Variants in RGS5 observed in about 807,000 individuals in gnomAD.
RGS5 encodes the protein regulator of G protein signaling 5.
Under a neutral mutation model 18.9 loss-of-function variants are expected in RGS5, and 20 were observed. That is an observed-to-expected ratio of 1.06 (90% CI 0.74 to 1.54). The LOEUF is 1.54. Among genes scored for constraint, RGS5 ranks in the 40% most tolerant of loss-of-function variants. The pLI, the probability that RGS5 is intolerant of heterozygous loss-of-function variation, is 0.00. For synonymous variants in RGS5, 57 were observed against 76.2 expected, an observed-to-expected ratio of 0.75 and a Z score of 1.31; for missense variants, 201 against 211.8, an observed-to-expected ratio of 0.95 and a Z score of 0.32.
At chr1:163,220,414 C>T (rs1041593317), upstream of RGS5, among the ~76,000 whole-genome samples, 6 of 152,188 alleles carry the variant, frequency 3.9e-5, no homozygotes, top group Non-Finnish European at 8.8e-5. Context: ...TTCAGAATCA[C>T]GTGTGTGTTG....
At position 163,246,542 on chromosome 1, in the gene RGS5, G is replaced by C. The variant is rs1386428280; in HGVS notation, c.-281+59691C>G. 2.0e-5 allele frequency among the ~76,000 whole-genome samples: 3 copies of C among 152,306 alleles called. No individual in the cohort carries two copies. In the South Asian group the frequency reaches 6.2e-4, roughly 32 times the overall value. ...GCCTAGATTGTGCCACTGCACTCCAGCCTGGGCGACACAGTGAAACTCTGT... is the reference window on the plus strand; with the variant it reads ...GCCTAGATTGTGCCACTGCACTCCACCCTGGGCGACACAGTGAAACTCTGT... On this transcript the variant is annotated intron_variant, in intron 2 of 5. Transcript: ENST00000618415.
At chr1:163,163,041 G>A (rs1571223339) in intron 2 of RGS5, among the ~76,000 whole-genome samples, 1 of 28,820 alleles carries the variant, frequency 3.5e-5, no homozygotes, top group Non-Finnish European at 1.0e-4. Context: ...TGATATTTCG[G>A]GGGGGGGGGT....
At chr1:163,147,925 T>TTCTTTTTTTC (rs1436804182) in intron 4 of RGS5, among the ~76,000 whole-genome samples, 10 of 134,122 alleles carry the variant, frequency 7.5e-5, no homozygotes, top group South Asian at 2.6e-4. Context: ...TTTCTTTTTT[T>TTCTTTTTTTC]TTTTTTTTTT....
intron 1 of RGS5, among the ~76,000 whole-genome samples, chr1:163,180,695 T>TTGTTTTTTG (rs1557893081): frequency 8.0e-6 from 1 of 124,442 alleles, no homozygotes; most frequent in Non-Finnish European, 1.7e-5. Flanking sequence ...TGTTTTTTTT[T>TTGTTTTTTG]TTTTTTTTTT....
intron 2 of RGS5, among the ~76,000 whole-genome samples, chr1:163,271,998 T>C (rs1321699323): frequency 6.6e-6 from 1 of 151,936 alleles, no homozygotes; most frequent in African/African-American, 2.4e-5. Flanking sequence ...CTTCCTTCCC[T>C]TCCTTCCCTT....
At chr1:163,199,800 AAATT>A (rs1350691059) in intron 1 of RGS5, among the ~76,000 whole-genome samples, 2 of 152,120 alleles carry the variant, frequency 1.3e-5, no homozygotes, top group African/African-American at 4.8e-5. Context: ...TTTTTATGTT[AAATT>A]AATTAATTAA....
chr1:163,161,868 G>C lies in RGS5; in HGVS notation c.217+47C>G, dbSNP rs1328593567. 2.1e-6 allele frequency: 3 copies of C among 1,444,180 alleles called. No individual in the cohort carries two copies. In the East Asian group the frequency reaches 6.8e-5, roughly 33 times the overall value. 89.5% of individuals were successfully genotyped at this position (1,444,180 alleles called of 1,614,324 possible). A position where few individuals can be genotyped will look rare whatever the true frequency, so the allele number is the denominator to read the frequency against. On this transcript the variant is annotated intron_variant, in intron 3 of 4. Transcript: ENST00000313961. ...TAATACAAAGATGTTTTTTGTTTCTGTCTCTAACCTGACCTTTATTTAAAA... is the reference window on the plus strand; with the variant it reads ...TAATACAAAGATGTTTTTTGTTTCTCTCTCTAACCTGACCTTTATTTAAAA...
intron 2 of RGS5, among the ~76,000 whole-genome samples, chr1:163,258,529 C>T (rs1042749251): frequency 2.6e-5 from 4 of 152,226 alleles, no homozygotes; most frequent in African/African-American, 9.6e-5. Flanking sequence ...TTTCTCTCCA[C>T]TGAAGCTTCC....
rs190261420 is a variant in RGS5 at position 163,281,129 on chromosome 1, C to G, written c.-281+25104G>C. Among the ~76,000 whole-genome samples the G allele has an allele frequency of 1.7e-3, 257 of 152,204 alleles. 2 individuals are homozygous for G. The highest frequency in any genetic ancestry group is 5.9e-3 in the African/African-American group (245 of 41,528). On this transcript the variant is annotated intron_variant, in intron 2 of 5. Transcript: ENST00000618415. ...TCTGCACAAGTCCTCTCTTTGCCTG[C>G]TGTCTGTCATCCATGTAAGATGTGA...
At chr1:163,309,279 C>T (rs1175955764) in intron 1 of RGS5, among the ~76,000 whole-genome samples, 3 of 152,174 alleles carry the variant, frequency 2.0e-5, no homozygotes, top group Admixed American at 1.3e-4. Flanking sequence ...ATGAAGTTGG[C>T]CACATCAGTT....
chr1:163,239,876 G>C (rs1490491870), intron 2 of RGS5, among the ~76,000 whole-genome samples: 1 of 152,088 alleles, frequency 6.6e-6, no homozygotes, highest in African/African-American at 2.4e-5. Flanking sequence ...TCTGAAAAAA[G>C]TGTTAACTAT....
chr1:163,147,695 G>A (rs139558371), intron 4 of RGS5, among the ~76,000 whole-genome samples, 192 bp from the exon 5 acceptor site: 1 of 151,994 alleles, frequency 6.6e-6, no homozygotes, highest in Non-Finnish European at 1.5e-5. Flanking sequence ...GCATCCAACC[G>A]GTATTAGACA....
At chr1:163,258,878 T>C (rs1015994037) in intron 2 of RGS5, among the ~76,000 whole-genome samples, 1 of 152,068 alleles carries the variant, frequency 6.6e-6, no homozygotes, top group African/African-American at 2.4e-5. Flanking sequence ...GGTCTCATTA[T>C]GTTGCGCAGG....
chr1:163,307,312 TC>T (rs1315779480), intron 1 of RGS5, among the ~76,000 whole-genome samples: 2 of 152,354 alleles, frequency 1.3e-5, no homozygotes, highest in Non-Finnish European at 1.5e-5. Context: ...ATAATTTTCT[TC>T]CACATAAATC....
rs528784826 is a variant in RGS5 at position 163,310,817 on chromosome 1, T to C, written c.-377-4488A>G. On this transcript the variant is annotated intron_variant, in intron 1 of 5. Transcript: ENST00000618415. ...GTAATTTATAAAGAAAGAGGTTTAA[T>C]TGACTTACAGTTCAGCTTGGCTGAG... is the stretch of plus-strand genomic sequence containing the variant. 7.2e-5 allele frequency among the ~76,000 whole-genome samples: 11 copies of C among 152,324 alleles called. 1 individual carries two copies. The highest frequency in any genetic ancestry group is 4.1e-4 in the South Asian group (2 of 4,822).
At chr1:163,181,042 T>C (rs1263011394) in intron 1 of RGS5, among the ~76,000 whole-genome samples, 1 of 152,006 alleles carries the variant, frequency 6.6e-6, no homozygotes, top group South Asian at 2.1e-4. Flanking sequence ...ATCCTTATAG[T>C]TTTGTTTTTT....
intron 3 of RGS5, 145 bp downstream of exon 3, chr1:163,161,770 G>GCAGC: frequency 1.7e-6 from 1 of 602,752 alleles, no homozygotes; most frequent in South Asian, 1.8e-5. Context: ...TCACATACCT[G>GCAGC]CAGCCCCCTT....
In RGS5 at chr1:163,243,813, A is replaced by AACAC. The variant is rs140181467; in HGVS notation, c.-281+62416_-281+62419dup. ...AGGAGGCATTTACACACATTCACAC[A>AACAC]ACACACACACACACACATACACACA... On this transcript the variant is annotated intron_variant, in intron 2 of 5. Coordinates refer to the RGS5 transcript ENST00000618415. Among the ~76,000 whole-genome samples the AACAC allele has an allele frequency of 2.8e-3, 419 of 150,204 alleles. 4 individuals are homozygous for AACAC. The highest frequency in any genetic ancestry group is 9.8e-3 in the African/African-American group (401 of 41,036).
intron 2 of RGS5, among the ~76,000 whole-genome samples, chr1:163,233,986 C>A (rs1261189281): frequency 1.3e-5 from 2 of 152,162 alleles, no homozygotes; most frequent in Non-Finnish European, 2.9e-5. Flanking sequence ...TGGATGTATA[C>A]GTGCAGGTCA....
Sources: allele counts gnomAD v4.1 joint callset (sites outside exome capture counted in the v4.1 genomes callset), GRCh38; gene constraint gnomAD v4.1.1; transcripts MANE v1.5; gene names NCBI Gene and HGNC (gene_info 2026-07-23, HGNC 2026-07-21).